The following SLC6A5 variants were observed in gnomAD, a reference collection of about 807,000 sequenced individuals.
SLC6A5 encodes the protein solute carrier family 6 member 5.
In SLC6A5, 58 loss-of-function variants were observed where a neutral mutation model predicts 90.5. The ratio of observed to expected loss-of-function variants is 0.64; its 90% CI spans 0.52 to 0.80. SLC6A5 has a LOEUF of 0.80. Ranked by LOEUF, SLC6A5 falls within the 30% of genes least tolerant of loss-of-function variation. The probability of loss-of-function intolerance (pLI) is 0.00; values close to 1 mark genes in which losing one functional copy is unlikely to be tolerated. For synonymous variants in SLC6A5, 427 were observed against 401.4 expected (o/e 1.06, Z -0.76); for missense variants, 1,015 against 1,017.6 (o/e 1.00, Z 0.03).
At chr11:20,633,593 T>C (rs1853146917) in intron 10 of SLC6A5, among the ~76,000 whole-genome samples, 1 of 152,164 alleles carries the variant, frequency 6.6e-6, no homozygotes, top group African/African-American at 2.4e-5. Flanking sequence ...GAGGCTCTCA[T>C]GGTAGGATCT....
chr11:20,652,253 A>G (rs770703808), intron 14 of SLC6A5, 36 bp from the exon 15 acceptor site: 56 of 1,607,468 alleles, frequency 3.5e-5, no homozygotes, highest in Non-Finnish European at 4.4e-5. Context: ...AATTCACGCC[A>G]CCACCCTAAC....
chr11:20,604,073 G>T (rs1031932562), intron 2 of SLC6A5, among the ~76,000 whole-genome samples: 1 of 152,084 alleles, frequency 6.6e-6, no homozygotes, highest in Non-Finnish European at 1.5e-5. Context: ...GGACCTGCTT[G>T]CTGATTGACT....
At position 20,630,896 on chromosome 11, in the gene SLC6A5, A is replaced by G. The variant is rs1853097678; in HGVS notation, c.1624+81A>G. The G allele has an allele frequency of 1.4e-5, 21 of 1,526,042 alleles. No homozygotes were observed. In the South Asian group the frequency reaches 2.3e-4, roughly 17 times the overall value. 94.5% of individuals were successfully genotyped at this position (1,526,042 alleles called of 1,614,324 possible). ...AGCTCCTAATTTAGACTATGCTGGG[A>G]AGCTGGCCTTCTGGAACAGGATAGA... On this transcript the variant is annotated intron_variant, in intron 10 of 15. Coordinates refer to ENST00000525748, the MANE Select transcript of SLC6A5 (RefSeq NM_004211.5).
intron 5 of SLC6A5, among the ~76,000 whole-genome samples, chr11:20,613,943 A>G (rs963803718): frequency 2.0e-5 from 3 of 152,122 alleles, no homozygotes; most frequent in African/African-American, 7.2e-5. Flanking sequence ...CCAAGGTATG[A>G]CAACTAAAAA....
intron 5 of SLC6A5, among the ~76,000 whole-genome samples, chr11:20,609,745 T>A (rs1446424362): frequency 6.6e-6 from 1 of 152,210 alleles, no homozygotes; most frequent in Non-Finnish European, 1.5e-5. Flanking sequence ...AGCTTGGAGC[T>A]GCCCCATGAC....
chr11:20,639,677 T>C lies in SLC6A5; in HGVS notation c.1969+1119T>C, dbSNP rs1853276059. ...GAGGTGCTTAACAGCTTCTTGCTTT[T>C]CTGGAAAACTCATTAAAATAAAGGG... On this transcript the variant is annotated intron_variant, in intron 13 of 15. Coordinates refer to ENST00000525748, the MANE Select transcript of SLC6A5 (RefSeq NM_004211.5). 2.0e-5 allele frequency among the ~76,000 whole-genome samples: 3 copies of C among 152,270 alleles called. No homozygotes were observed. In the South Asian group the frequency reaches 6.2e-4, roughly 32 times the overall value.
chr11:20,637,986 C>T (rs1479837743), intron 12 of SLC6A5, among the ~76,000 whole-genome samples: 1 of 152,056 alleles, frequency 6.6e-6, no homozygotes, highest in Non-Finnish European at 1.5e-5. Flanking sequence ...GTGAAGGTCT[C>T]TACACCTTAT....
chr11:20,601,156 A>G lies in SLC6A5; in HGVS notation c.31A>G (p.Lys11Glu). 6.3e-7 allele frequency: 1 copy of G among 1,591,294 alleles called. No individual in the cohort carries two copies. The highest frequency in any genetic ancestry group is 1.1e-5 in the South Asian group (1 of 89,438). ...TTGCAGTGCTCCCAAGGAAATGAAT[A>G]AACTGCCAGCCAACAGCCCGGAGGC... The part of the protein sequence containing the change: MDCSAPKEMN[K>E]LPANSPEAAA... The change falls in exon 2 of 16, where the codon AAA (lysine) becomes GAA (glutamate). Residue 11 changes from lysine (K) to glutamate (E), a missense_variant. Around this residue, in one of 3 missense-constraint regions of SLC6A5, gnomAD observed 567 missense variants for 507.3 expected, o/e 1.12. Coordinates refer to ENST00000525748, the MANE Select transcript of SLC6A5 (RefSeq NM_004211.5).
intron 7 of SLC6A5, among the ~76,000 whole-genome samples, chr11:20,619,963 G>A (rs1043912206): frequency 6.6e-6 from 1 of 152,182 alleles, no homozygotes; most frequent in African/African-American, 2.4e-5. Flanking sequence ...TGACAATACC[G>A]AGCATGGCCT....
chr11:20,637,313 C>T lies in SLC6A5; in HGVS notation c.1869+10C>T, dbSNP rs757029224. 1.1e-5 allele frequency: 18 copies of T among 1,611,410 alleles called. 1 individual carries two copies. Among genetic ancestry groups the T allele is most frequent in the South Asian group, 3.3e-5 (3 of 91,040 alleles). ...TCCAATGATCACTCAGGTAAGCTGC[C>T]TCCTAGGCACAGGCTTGGGGTGGGG... On this transcript the variant is annotated intron_variant, in intron 12 of 15. Transcript: ENST00000525748.
At chr11:20,616,081 G>A (rs192994195) in intron 6 of SLC6A5, among the ~76,000 whole-genome samples, 13 of 152,300 alleles carry the variant, frequency 8.5e-5, no homozygotes, top group Admixed American at 7.2e-4. Flanking sequence ...CCAGTTTGTG[G>A]CTTTCACTTA....
At chr11:20,649,370 A>G (rs1437854792) in intron 14 of SLC6A5, among the ~76,000 whole-genome samples, 1 of 152,178 alleles carries the variant, frequency 6.6e-6, no homozygotes, top group Non-Finnish European at 1.5e-5. Context: ...CCATCACAAA[A>G]AGGTCAGGGT....
intron 13 of SLC6A5, among the ~76,000 whole-genome samples, chr11:20,639,339 A>G (rs567256509): frequency 2.0e-5 from 3 of 152,118 alleles, no homozygotes; most frequent in Non-Finnish European, 4.4e-5. Flanking sequence ...CCTCACTAAT[A>G]TATATATAAG....
At chr11:20,652,518 C>A in intron 15 of SLC6A5, 62 bp downstream of exon 15, 1 of 1,498,716 alleles carries the variant, frequency 6.7e-7, no homozygotes, top group Non-Finnish European at 9.3e-7. Flanking sequence ...AAAAGCTCTG[C>A]ATGTTAAAAA....
Position 20,601,227 on chromosome 11 carries a change from G to A in SLC6A5, c.102G>A (p.Thr34=), listed in dbSNP as rs762445548. The change falls in exon 2 of 16, where the codon ACG becomes ACA. Residue 34 remains threonine, a synonymous_variant. Transcript: ENST00000525748. ...CGGATGGCCCATGCGCTCCCAGGACGAGCCCGGAGCAGGAGCTTCCCGCGG... is the reference window on the plus strand; with the variant it reads ...CGGATGGCCCATGCGCTCCCAGGACAAGCCCGGAGCAGGAGCTTCCCGCGG... ...GHPDGPCAPR[T]SPEQELPAAA... 6 of 1,582,418 alleles carry A rather than the reference G, an allele frequency of 3.8e-6. No individual in the cohort carries two copies. The highest frequency in any genetic ancestry group is 2.3e-5 in the East Asian group (1 of 44,180).
At chr11:20,615,335 T>C (rs977927357) in intron 6 of SLC6A5, among the ~76,000 whole-genome samples, 2 of 152,196 alleles carry the variant, frequency 1.3e-5, no homozygotes, top group African/African-American at 4.8e-5. Context: ...GAAGATTTAG[T>C]GAAGTTCATA....
chr11:20,636,552 A>T (rs1282158243), intron 11 of SLC6A5, 133 bp downstream of exon 11: 12 of 717,836 alleles, frequency 1.7e-5, no homozygotes, highest in Non-Finnish European at 2.8e-5. Context: ...AGATCTAGAG[A>T]TGCTGAAGTG....
In SLC6A5 at chr11:20,652,362, T is replaced by C; in HGVS notation, c.2144T>C (p.Met715Thr). The C allele has an allele frequency of 6.2e-7, 1 of 1,614,128 alleles. No individual in the cohort carries two copies. The highest frequency in any genetic ancestry group is 8.5e-7 in the Non-Finnish European group (1 of 1,179,966). The change falls in exon 15 of 16, where the codon ATG becomes ACG. Residue 715 changes from methionine (M) to threonine (T), a missense_variant. By Grantham distance (81) the Met-to-Thr change is moderately conservative (BLOSUM62 -1). Coordinates refer to ENST00000525748, the MANE Select transcript of SLC6A5 (RefSeq NM_004211.5). ...TCTTACCGCTATCCTAACTGGTCCA[T>C]GGTGCTCGGATGGCTAATGCTCGCC... ...YGSYRYPNWS[M>T]VLGWLMLACS... is the part of the protein sequence containing the mutation.
Position 20,626,852 on chromosome 11 carries a change from T to C in SLC6A5, c.1395+10T>C, listed in dbSNP as rs889541344. 6.2e-7 allele frequency: 1 copy of C among 1,613,204 alleles called. No homozygotes were observed. The highest frequency in any genetic ancestry group is 1.7e-5 in the Admixed American group (1 of 60,022). On this transcript the variant is annotated intron_variant, in intron 8 of 15. Transcript: ENST00000525748. ...ACTCACGGATGCCACGGTGGGCTTC[T>C]AATTTTATCTATAACCAGCCCTGGG...
Sources: allele counts gnomAD v4.1 joint callset (sites outside exome capture counted in the v4.1 genomes callset), GRCh38; gene constraint gnomAD v4.1.1; regional missense constraint gnomAD v4.1.1; transcripts MANE v1.5; gene names NCBI Gene and HGNC (gene_info 2026-07-23, HGNC 2026-07-21).